Variants in NCOR1 observed in about 807,000 individuals in gnomAD.
The protein encoded by NCOR1 is nuclear receptor corepressor 1, also known as protein phosphatase 1, regulatory subunit 109.
In NCOR1, 63 loss-of-function variants were observed where a neutral mutation model predicts 288.1. That is an observed-to-expected ratio of 0.22 (90% CI 0.18 to 0.27). The LOEUF (loss-of-function observed/expected upper bound fraction) is 0.27, where lower values mean the gene tolerates loss of function less well. Ranked by LOEUF, NCOR1 falls within the 10% of genes least tolerant of loss-of-function variation. The pLI, the probability that NCOR1 is intolerant of heterozygous loss-of-function variation, is 1.00. For missense variants in NCOR1, 2,397 were observed against 3,019.2 expected (o/e 0.79, Z 4.83); for synonymous variants, 1,007 against 1,065.9 (o/e 0.94, Z 1.08).
chr17:16,178,019 G>T (rs1268510361), intron 3 of NCOR1, among the ~76,000 whole-genome samples: 1 of 150,762 alleles, frequency 6.6e-6, no homozygotes, highest in Non-Finnish European at 1.5e-5. Flanking sequence ...AGACTAGCCT[G>T]GCCAACATGG....
chr17:16,103,591 C>G (rs1047802567), intron 19 of NCOR1, among the ~76,000 whole-genome samples: 8 of 152,228 alleles, frequency 5.3e-5, no homozygotes, highest in Non-Finnish European at 1.0e-4. Flanking sequence ...GTCACACTGG[C>G]CTTTATTTAG....
rs1250469131 is a variant in NCOR1, at chr17:16,046,953, A to G, written c.6677T>C (p.Met2226Thr). Residue 2226 changes from methionine to threonine, a missense_variant and splice_region_variant, in exon 42 of 46, where the codon ATG (methionine) becomes ACG (threonine). This residue lies in a region of NCOR1 where 1,872 missense variants were observed against 2,187.8 expected (regional missense o/e 0.86). Transcript: ENST00000268712. ...LNSSGGGDSD[M>T]AAAQPGTEIF... ...TTCATGAAAGAAATCCCACTTACCC[A>G]TATCAGAGTCACCTCCACCAGAGGA... 3.7e-6 allele frequency: 6 copies of G among 1,613,812 alleles called. No individual in the cohort carries two copies. The South Asian group carries it at 4.4e-5, about 12-fold the overall frequency.
At chr17:16,151,746 T>A (rs1349862714) in intron 8 of NCOR1, 200 bp downstream of exon 8, 12 of 1,069,664 alleles carry the variant, frequency 1.1e-5, no homozygotes, top group Non-Finnish European at 1.6e-5. Flanking sequence ...TATTTCATTT[T>A]TTGGCCTCGG....
At chr17:16,160,307 T>C (rs1326353948) in intron 5 of NCOR1, among the ~76,000 whole-genome samples, 3 of 152,198 alleles carry the variant, frequency 2.0e-5, no homozygotes, top group Non-Finnish European at 4.4e-5. Flanking sequence ...AGCAGGGACT[T>C]GTCTGCTTTG....
At position 16,068,205 on chromosome 17, in the gene NCOR1, A is replaced by G. The variant is rs536964440; in HGVS notation, c.4514-84T>C. The G allele has an allele frequency of 5.4e-6, 6 of 1,102,708 alleles. No homozygotes were observed. The South Asian group carries it at 6.9e-5, about 13-fold the overall frequency. The allele number at this position is 1,102,708 out of a possible 1,614,324, so 68.3% of individuals were successfully genotyped here. A position where few individuals can be genotyped will look rare whatever the true frequency, so the allele number is the denominator to read the frequency against. On this transcript the variant is annotated intron_variant, in intron 31 of 45. Coordinates refer to ENST00000268712, the MANE Select transcript of NCOR1 (RefSeq NM_006311.4). ...TGTCCATTTCTCAACCATTCAAATA[A>G]AGACTATATTCATGTATTTGGATCT...
chr17:16,070,199 G>A lies in NCOR1; in HGVS notation c.4479C>T (p.Ser1493=), dbSNP rs750967905. Reference sequence around the variant, plus strand: ...TTCTGTTCATCATGGGTGAGCCTCTGGACATGGTGTTTTGATAACTCACAG... The same window carrying A: ...TTCTGTTCATCATGGGTGAGCCTCTAGACATGGTGTTTTGATAACTCACAG... ...RTPVSYQNTM[S]RGSPMMNRTS... is the part of the protein sequence containing the mutation. Residue 1493 remains serine, a synonymous_variant, in exon 31 of 46, where the codon TCC becomes TCT. Transcript: ENST00000268712. 8 of 1,613,416 alleles carry A rather than the reference G, an allele frequency of 5.0e-6. No individual in the cohort carries two copies. In the South Asian group the frequency reaches 8.8e-5, roughly 18 times the overall value.
In NCOR1 at chr17:16,048,847, C is replaced by T. The variant is rs1485622361; in HGVS notation, c.6534G>A (p.Gln2178=). The change falls in exon 41 of 46, where the codon CAG becomes CAA. Residue 2178 remains glutamine (Q), a splice_region_variant and synonymous_variant. Transcript: ENST00000268712. ...LSQRGAEPAE[Q]RNDARSPGSI... ...CTGTCACTAGGAAGCACACTTACCT[C>T]TGCTCTGCAGGCTCTGCGCCCCTCT... 1 of 1,607,500 alleles carries T rather than the reference C, an allele frequency of 6.2e-7. No individual in the cohort carries two copies. Among genetic ancestry groups the T allele is most frequent in the Non-Finnish European group, 8.5e-7 (1 of 1,175,820 alleles).
At chr17:16,093,483 TATG>T (rs2065770844) in intron 21 of NCOR1, among the ~76,000 whole-genome samples, 1 of 152,238 alleles carries the variant, frequency 6.6e-6, no homozygotes, top group Non-Finnish European at 1.5e-5. Context: ...TCTCTGACTT[TATG>T]AAGAAAATAA....
At chr17:16,090,946 T>G (rs924192196) in intron 22 of NCOR1, among the ~76,000 whole-genome samples, 2 of 152,214 alleles carry the variant, frequency 1.3e-5, no homozygotes, top group African/African-American at 4.8e-5. Flanking sequence ...ATTTCAGTAT[T>G]CTGATATTCT....
Position 16,071,474 on chromosome 17 carries a change from C to T in NCOR1, c.4087G>A (p.Glu1363Lys). 6.2e-7 allele frequency: 1 copy of T among 1,614,182 alleles called. No homozygotes were observed. The highest frequency in any genetic ancestry group is 8.5e-7 in the Non-Finnish European group (1 of 1,180,028). Reference sequence around the variant, plus strand: ...ACCACTTCTGGAGTTTTCCGACTTTCCTGAGTTAAAATATCTTGCCTTGGA... The same window carrying T: ...ACCACTTCTGGAGTTTTCCGACTTTTCTGAGTTAAAATATCTTGCCTTGGA... ...EIPRQDILTQESRKTPEVVQS... is the reference protein window; with the variant it reads ...EIPRQDILTQKSRKTPEVVQS... The change falls in exon 30 of 46, where the codon GAA (glutamate) becomes AAA (lysine). Residue 1363 changes from glutamate (E) to lysine (K), a missense_variant. Glu to Lys is a moderately conservative substitution (Grantham distance 56). Transcript: ENST00000268712.
At position 16,061,653 on chromosome 17, in the gene NCOR1, A is replaced by G; in HGVS notation, c.5629T>C (p.Ser1877Pro). The stretch of plus-strand genomic sequence containing the variant: ...GAAGAAGTGTATAAACACTGAACAG[A>G]TCTCTTCTCCACCTCCAGGGTTTTC... ...EQKTLEVEKR[S>P]VQCLYTSSAF... Residue 1877 changes from serine to proline, a missense_variant, in exon 37 of 46, where the codon TCT (serine) becomes CCT (proline). Transcript: ENST00000268712. 6.2e-7 allele frequency: 1 copy of G among 1,614,216 alleles called. No individual in the cohort carries two copies. Among genetic ancestry groups the G allele is most frequent in the Non-Finnish European group, 8.5e-7 (1 of 1,180,042 alleles).
At chr17:16,153,761 C>A (rs1019734124) in intron 6 of NCOR1, among the ~76,000 whole-genome samples, 3 of 152,152 alleles carry the variant, frequency 2.0e-5, no homozygotes, top group Middle Eastern at 3.4e-3. Context: ...ATAAATCCCC[C>A]AAACATTCTA....
At chr17:16,181,158 A>G (rs1298125669) in intron 3 of NCOR1, among the ~76,000 whole-genome samples, 2 of 148,100 alleles carry the variant, frequency 1.4e-5, no homozygotes, top group Non-Finnish European at 1.5e-5. Flanking sequence ...GACTCTGTCT[A>G]AAAAAAAAAG....
intron 1 of NCOR1, among the ~76,000 whole-genome samples, chr17:16,202,362 C>CT (rs1213718937): frequency 6.6e-6 from 1 of 151,190 alleles, no homozygotes; most frequent in Non-Finnish European, 1.5e-5. Flanking sequence ...GATCGCACCC[C>CT]TGCACTCCAG....
At chr17:16,131,498 AAG>A (rs2075631195) in intron 14 of NCOR1, among the ~76,000 whole-genome samples, 1 of 152,198 alleles carries the variant, frequency 6.6e-6, no homozygotes. Context: ...TTTTTTAGAA[AAG>A]AGAAACAGAC....
At chr17:16,150,722 A>C (rs2078713309) in intron 8 of NCOR1, among the ~76,000 whole-genome samples, 1 of 151,936 alleles carries the variant, frequency 6.6e-6, no homozygotes, top group Non-Finnish European at 1.5e-5. Context: ...AAAAAAAGTC[A>C]TTAAGTAGCC....
At chr17:16,117,845 G>A (rs2072036239) in intron 18 of NCOR1, 43 bp downstream of exon 18, 1 of 1,588,196 alleles carries the variant, frequency 6.3e-7, no homozygotes, top group Non-Finnish European at 8.6e-7. Flanking sequence ...AACACTCTAA[G>A]TAAAAAACAG....
intron 27 of NCOR1, among the ~76,000 whole-genome samples, chr17:16,074,931 AAT>A (rs567884650): frequency 1.1e-3 from 163 of 152,238 alleles, no homozygotes; most frequent in African/African-American, 3.8e-3. Context: ...GCAGTGGCCC[AAT>A]CTCAGCTCAC....
intron 22 of NCOR1, among the ~76,000 whole-genome samples, chr17:16,088,088 GA>G (rs1321178861): frequency 2.0e-5 from 3 of 151,512 alleles, no homozygotes; most frequent in African/African-American, 4.9e-5. Flanking sequence ...ATGTCTGTCA[GA>G]ATAAATTCCC....
Sources: allele counts gnomAD v4.1 joint callset (sites outside exome capture counted in the v4.1 genomes callset), GRCh38; gene constraint gnomAD v4.1.1; regional missense constraint gnomAD v4.1.1; transcripts MANE v1.5; gene names NCBI Gene and HGNC (gene_info 2026-07-23, HGNC 2026-07-21).